The following MYRIP variants were observed in gnomAD, a reference collection of about 807,000 sequenced individuals.
The protein encoded by MYRIP is myosin VIIA and Rab interacting protein.
A neutral mutation model predicts 98.0 loss-of-function variants in MYRIP; 49 were observed. That is an observed-to-expected ratio of 0.50 (90% CI 0.40 to 0.63). The LOEUF is 0.63. Among genes scored for constraint, MYRIP ranks in the 30% least tolerant of loss-of-function variants. MYRIP has a pLI of 0.00. For missense variants in MYRIP, 1,004 were observed against 1,058.2 expected, an observed-to-expected ratio of 0.95 and a Z score of 0.71; for synonymous variants, 404 against 409.5, an observed-to-expected ratio of 0.99 and a Z score of 0.16.
chr3:39,900,139 TAG>T (rs949460073), intron 1 of MYRIP, among the ~76,000 whole-genome samples: 3 of 152,202 alleles, frequency 2.0e-5, no homozygotes, highest in Non-Finnish European at 4.4e-5. Context: ...TTTTTAAAAA[TAG>T]AGTTTCCCAT....
intron 2 of MYRIP, among the ~76,000 whole-genome samples, chr3:39,982,802 C>T (rs1423182833): frequency 6.6e-6 from 1 of 152,108 alleles, no homozygotes; most frequent in African/African-American, 2.4e-5. Context: ...TTTGAAAACA[C>T]TTTCTGATTT....
intron 1 of MYRIP, among the ~76,000 whole-genome samples, chr3:39,829,234 T>G (rs1263932530): frequency 2.0e-5 from 3 of 152,212 alleles, no homozygotes; most frequent in African/African-American, 4.8e-5. Context: ...GTCAGTATGA[T>G]TGAGATCTTT....
intron 2 of MYRIP, among the ~76,000 whole-genome samples, chr3:39,994,750 T>C (rs1946291786): frequency 2.0e-5 from 3 of 152,136 alleles, no homozygotes; most frequent in Admixed American, 2.0e-4. Flanking sequence ...TTCAAGTGGG[T>C]CCCTGACCCC....
chr3:40,126,647 CCTA>C (rs1455457316), intron 3 of MYRIP, among the ~76,000 whole-genome samples: 3 of 152,184 alleles, frequency 2.0e-5, no homozygotes, highest in African/African-American at 7.2e-5. Flanking sequence ...AAATACATAA[CCTA>C]CAACCAAATT....
intron 2 of MYRIP, among the ~76,000 whole-genome samples, chr3:39,963,013 G>T (rs967637180): frequency 1.3e-5 from 2 of 152,050 alleles, no homozygotes; most frequent in African/African-American, 4.8e-5. Flanking sequence ...AAAATTATGT[G>T]CAAATAATTC....
chr3:39,946,644 A>G (rs1944910192), intron 2 of MYRIP, among the ~76,000 whole-genome samples: 1 of 152,164 alleles, frequency 6.6e-6, no homozygotes, highest in African/African-American at 2.4e-5. Context: ...ACTGTAAGGA[A>G]ATGTGCTCTG....
At chr3:40,023,410 G>C (rs1228074306) in intron 2 of MYRIP, among the ~76,000 whole-genome samples, 2 of 152,164 alleles carry the variant, frequency 1.3e-5, no homozygotes, top group African/African-American at 4.8e-5. Context: ...ATGTTACCCA[G>C]AGATCAGTAA....
chr3:40,096,131 G>C (rs547177242), intron 3 of MYRIP, among the ~76,000 whole-genome samples: 1 of 151,736 alleles, frequency 6.6e-6, no homozygotes, highest in South Asian at 2.1e-4. Context: ...GCCTTCATAG[G>C]TTTTCTCGGG....
At chr3:39,898,859 T>A (rs1943678047) in intron 1 of MYRIP, among the ~76,000 whole-genome samples, 1 of 152,178 alleles carries the variant, frequency 6.6e-6, no homozygotes, top group Admixed American at 6.5e-5. Context: ...GCATATTCCT[T>A]GAACAATGCT....
chr3:40,186,134 A>C (rs1335936864), intron 9 of MYRIP, among the ~76,000 whole-genome samples: 3 of 152,194 alleles, frequency 2.0e-5, no homozygotes, highest in East Asian at 1.9e-4. Context: ...TCAAGGAAGG[A>C]AGGCCAAGCA....
In MYRIP at chr3:40,027,431, C is replaced by T. The variant is rs150276980; in HGVS notation, c.111-16619C>T. ...CCTTGCACTTGTGCTCCTCCTGTCT[C>T]CCCCCAATACTAAGCTCTTTTTCTT... On this transcript the variant is annotated intron_variant, in intron 2 of 16. Transcript: ENST00000302541. 1.5e-3 allele frequency among the ~76,000 whole-genome samples: 229 copies of T among 152,164 alleles called. 1 individual carries two copies. Among genetic ancestry groups the T allele is most frequent in the African/African-American group, 5.4e-3 (223 of 41,536 alleles).
At chr3:40,038,627 T>G (rs1947437082) in intron 2 of MYRIP, among the ~76,000 whole-genome samples, 1 of 152,110 alleles carries the variant, frequency 6.6e-6, no homozygotes, top group African/African-American at 2.4e-5. Context: ...TCAACACACT[T>G]GAAAACCTAA....
intron 4 of MYRIP, among the ~76,000 whole-genome samples, chr3:40,151,571 C>G (rs138764021): frequency 1.2e-3 from 181 of 152,290 alleles, no homozygotes; most frequent in Non-Finnish European, 2.1e-3. Flanking sequence ...TGCCTTCTAC[C>G]TTCCTTTCTT....
At chr3:40,114,065 A>G (rs1343389915) in intron 3 of MYRIP, among the ~76,000 whole-genome samples, 5 of 152,228 alleles carry the variant, frequency 3.3e-5, no homozygotes, top group East Asian at 1.9e-4. Context: ...CTTAAAGGAA[A>G]AAATAATAAT....
chr3:40,018,610 C>T (rs1480196324), intron 2 of MYRIP, among the ~76,000 whole-genome samples: 1 of 152,152 alleles, frequency 6.6e-6, no homozygotes, highest in African/African-American at 2.4e-5. Context: ...CACCATGTCA[C>T]TCATGCCCAC....
At chr3:40,104,800 G>A (rs945553441) in intron 3 of MYRIP, among the ~76,000 whole-genome samples, 8 of 152,096 alleles carry the variant, frequency 5.3e-5, no homozygotes, top group Non-Finnish European at 1.0e-4. Context: ...TCCTGAATGC[G>A]TATATTGTTC....
chr3:40,253,581 C>A (rs1187473872), intron 16 of MYRIP, among the ~76,000 whole-genome samples: 3 of 152,162 alleles, frequency 2.0e-5, no homozygotes, highest in African/African-American at 7.2e-5. Flanking sequence ...CTCCAAACAA[C>A]CTAAACTAAG....
chr3:39,932,136 G>A (rs1274393894), intron 2 of MYRIP, among the ~76,000 whole-genome samples: 6 of 152,146 alleles, frequency 3.9e-5, no homozygotes. Flanking sequence ...TCCACTGAAA[G>A]CCAGGCATTC....
chr3:40,112,915 T>TA (rs1949189584), intron 3 of MYRIP, among the ~76,000 whole-genome samples: 2 of 152,172 alleles, frequency 1.3e-5, no homozygotes, highest in Non-Finnish European at 2.9e-5. Flanking sequence ...CCAGAAACTA[T>TA]TAAAATCTAT....
Sources: allele counts gnomAD v4.1 joint callset (sites outside exome capture counted in the v4.1 genomes callset), GRCh38; gene constraint gnomAD v4.1.1; transcripts MANE v1.5; gene names NCBI Gene and HGNC (gene_info 2026-07-23, HGNC 2026-07-21).